TMEM65: variants seen among roughly 807,000 people sequenced by gnomAD.
TMEM65 encodes the protein transmembrane protein 65.
TMEM65 carries 22 observed loss-of-function variants against 25.4 expected under a neutral mutation model. The observed-to-expected ratio is 0.86, with a 90% confidence interval of 0.62 to 1.23. The LOEUF is 1.23. Ranked by LOEUF, TMEM65 falls within the 50% of genes most tolerant of loss-of-function variation. The probability of loss-of-function intolerance (pLI) is 0.00; values close to 1 mark genes in which losing one functional copy is unlikely to be tolerated. For missense variants in TMEM65, 262 were observed against 308.2 expected, an observed-to-expected ratio of 0.85 and a Z score of 1.12; for synonymous variants, 132 against 126.2, an observed-to-expected ratio of 1.05 and a Z score of -0.31.
chr8:124,311,951 GA>G lies in TMEM65; in HGVS notation c.*2008del, dbSNP rs1814167133. The G allele has an allele frequency of 6.6e-6, 1 of 152,490 alleles. No homozygotes were observed. Among genetic ancestry groups the G allele is most frequent in the South Asian group, 2.1e-4 (1 of 4,812 alleles). 9.4% of individuals were successfully genotyped at this position (152,490 alleles called of 1,614,324 possible). On this transcript the variant is annotated 3_prime_UTR_variant, in exon 7 of 7. Transcript: ENST00000297632. ...ACCAGATTACTTTCAAGAGCAAGAA[GA>G]AAAAACAATAATCAAAAGCCCTTTC...
chr8:124,324,681 T>C (rs1814346191), intron 3 of TMEM65, among the ~76,000 whole-genome samples: 2 of 151,968 alleles, frequency 1.3e-5, no homozygotes, highest in Admixed American at 1.3e-4. Context: ...ATTTAAAAAA[T>C]AGTTAAGTGC....
chr8:124,367,517 T>C (rs998819961), intron 1 of TMEM65, among the ~76,000 whole-genome samples: 1 of 152,158 alleles, frequency 6.6e-6, no homozygotes, highest in African/African-American at 2.4e-5. Flanking sequence ...TTTTCTCACA[T>C]AATCCTGAGC....
At chr8:124,349,566 C>A (rs1814680594) in intron 1 of TMEM65, among the ~76,000 whole-genome samples, 1 of 152,120 alleles carries the variant, frequency 6.6e-6, no homozygotes, top group African/African-American at 2.4e-5. Context: ...CAGCACCGAA[C>A]TAAAAACCCA....
In TMEM65 at chr8:124,368,848, A is replaced by G. The variant is rs536398347; in HGVS notation, c.304+3006T>C. ...GCTATAGCATTCCTGAGCCTCAGAAATTATGAGTTAATACATGCTTGTTTT... is the reference window on the plus strand; with the variant it reads ...GCTATAGCATTCCTGAGCCTCAGAAGTTATGAGTTAATACATGCTTGTTTT... On this transcript the variant is annotated intron_variant, in intron 1 of 6. Transcript: ENST00000297632. 2.0e-5 allele frequency among the ~76,000 whole-genome samples: 3 copies of G among 152,370 alleles called. No individual in the cohort carries two copies. The East Asian group carries it at 5.8e-4, about 29-fold the overall frequency.
At chr8:124,331,565 C>T (rs993125638) in intron 1 of TMEM65, among the ~76,000 whole-genome samples, 9 of 151,450 alleles carry the variant, frequency 5.9e-5, no homozygotes, top group Non-Finnish European at 7.4e-5. Flanking sequence ...AGTATCTTTA[C>T]GTGTCAACAT....
At chr8:124,319,383 C>T (rs1814278173) in intron 6 of TMEM65, among the ~76,000 whole-genome samples, 2 of 152,110 alleles carry the variant, frequency 1.3e-5, no homozygotes, top group African/African-American at 4.8e-5. Flanking sequence ...AGGTAAGAGG[C>T]TCAAGCTCCT....
At chr8:124,357,035 T>TTCTTGAAACA (rs1236341187) in intron 1 of TMEM65, among the ~76,000 whole-genome samples, 1 of 149,762 alleles carries the variant, frequency 6.7e-6, no homozygotes, top group East Asian at 2.0e-4. Context: ...AAATGCCTCT[T>TTCTTGAAACA]CCACCCTTAG....
rs1394562151 is a variant in TMEM65 at position 124,313,810 on chromosome 8, G to A, written c.*150C>T. ...AAAAAAGATGTCCTAAGAAGATCAA[G>A]CCACAATAAGTTAGTGTTTTCCATA... On this transcript the variant is annotated 3_prime_UTR_variant, in exon 7 of 7. Coordinates refer to ENST00000297632, the MANE Select transcript of TMEM65 (RefSeq NM_194291.3). 1.5e-5 allele frequency: 9 copies of A among 600,240 alleles called. No individual in the cohort carries two copies. The highest frequency in any genetic ancestry group is 4.5e-4 in the Middle Eastern group (1 of 2,246). 37.2% of individuals were successfully genotyped at this position (600,240 alleles called of 1,614,324 possible). A position where few individuals can be genotyped will look rare whatever the true frequency, so the allele number is the denominator to read the frequency against.
intron 1 of TMEM65, among the ~76,000 whole-genome samples, chr8:124,358,391 G>A (rs1220029298): frequency 1.3e-5 from 2 of 152,068 alleles, no homozygotes; most frequent in Non-Finnish European, 2.9e-5. Flanking sequence ...AAGCCTGAAG[G>A]TTTCTCCATA....
rs1412984091 is a variant in TMEM65 at position 124,308,086 on chromosome 8, A to C, written c.*5874T>G. 6.6e-6 allele frequency: 1 copy of C among 152,104 alleles called. No homozygotes were observed. Among genetic ancestry groups the C allele is most frequent in the African/African-American group, 2.4e-5 (1 of 41,402 alleles). 9.4% of individuals were successfully genotyped at this position (152,104 alleles called of 1,614,324 possible). On this transcript the variant is annotated 3_prime_UTR_variant, in exon 7 of 7. Transcript: ENST00000297632. ...GCCAGTCTTCTGGCAGTATAACAAGAAGGCCTGGACGACAAGAACCCTTTT... is the reference window on the plus strand; with the variant it reads ...GCCAGTCTTCTGGCAGTATAACAAGCAGGCCTGGACGACAAGAACCCTTTT...
chr8:124,332,860 C>T (rs1056200506), intron 1 of TMEM65, among the ~76,000 whole-genome samples: 1 of 151,984 alleles, frequency 6.6e-6, no homozygotes, highest in Non-Finnish European at 1.5e-5. Flanking sequence ...GGCTGAAGTG[C>T]AGTGGCGCGA....
At position 124,372,226 on chromosome 8, in the gene TMEM65, A is replaced by T; in HGVS notation, c.-69T>A. 8.3e-7 allele frequency: 1 copy of T among 1,209,250 alleles called. No homozygotes were observed. The highest frequency in any genetic ancestry group is 1.0e-6 in the Non-Finnish European group (1 of 964,906). 74.9% of individuals were successfully genotyped at this position (1,209,250 alleles called of 1,614,324 possible). On this transcript the variant is annotated 5_prime_UTR_variant, in exon 1 of 7. Coordinates refer to ENST00000297632, the MANE Select transcript of TMEM65 (RefSeq NM_194291.3). ...GGTTTCTGGCGCGGCTGAGGCGAGAAGGAGCTGGGCTCAGCTCGACCCCGC... is the reference window on the plus strand; with the variant it reads ...GGTTTCTGGCGCGGCTGAGGCGAGATGGAGCTGGGCTCAGCTCGACCCCGC...
At chr8:124,364,571 C>T (rs1002163862) in intron 1 of TMEM65, among the ~76,000 whole-genome samples, 4 of 152,242 alleles carry the variant, frequency 2.6e-5, no homozygotes, top group African/African-American at 9.6e-5. Context: ...AAATTATGCT[C>T]ATTATATTTT....
At chr8:124,316,072 T>A (rs1181013856) in intron 6 of TMEM65, among the ~76,000 whole-genome samples, 1 of 152,186 alleles carries the variant, frequency 6.6e-6, no homozygotes, top group East Asian at 1.9e-4. Flanking sequence ...GGAATACCAG[T>A]CAGTGATTTC....
At chr8:124,336,029 AT>A (rs1814502711) in intron 1 of TMEM65, among the ~76,000 whole-genome samples, 1 of 152,052 alleles carries the variant, frequency 6.6e-6, no homozygotes, top group Admixed American at 6.6e-5. Context: ...ATGGCAAAAA[AT>A]ATGCTACACA....
At chr8:124,343,161 T>C (rs1170628802) in intron 1 of TMEM65, among the ~76,000 whole-genome samples, 2 of 152,038 alleles carry the variant, frequency 1.3e-5, no homozygotes, top group Admixed American at 1.3e-4. Context: ...ACAAACACAA[T>C]GGCATTAAAC....
intron 6 of TMEM65, among the ~76,000 whole-genome samples, chr8:124,319,706 T>A (rs1282923683): frequency 6.6e-6 from 1 of 152,102 alleles, no homozygotes; most frequent in East Asian, 1.9e-4. Flanking sequence ...ATCATGGTTA[T>A]ATCTTGTACA....
intron 1 of TMEM65, among the ~76,000 whole-genome samples, chr8:124,340,658 G>C (rs1055979388): frequency 3.3e-5 from 5 of 150,672 alleles, no homozygotes; most frequent in African/African-American, 1.2e-4. Flanking sequence ...GCTGTTTGAT[G>C]TCCCATCTTG....
Position 124,323,376 on chromosome 8 carries a change from C to A in TMEM65, c.418-1G>T. ...CAATAGACATTTCAATATGGGTTCC[C>A]TGAAATATGATAAAAAATTAATCTT... On this transcript the variant is annotated splice_acceptor_variant, in intron 3 of 6. Coordinates refer to ENST00000297632, the MANE Select transcript of TMEM65 (RefSeq NM_194291.3). LOFTEE classifies it high-confidence loss of function. 1 of 1,481,024 alleles carries A rather than the reference C, an allele frequency of 6.8e-7. No homozygotes were observed. Among genetic ancestry groups the A allele is most frequent in the Non-Finnish European group, 9.2e-7 (1 of 1,083,458 alleles). 91.7% of individuals were successfully genotyped at this position (1,481,024 alleles called of 1,614,324 possible). A position where few individuals can be genotyped will look rare whatever the true frequency, so the allele number is the denominator to read the frequency against.
Sources: allele counts gnomAD v4.1 joint callset (sites outside exome capture counted in the v4.1 genomes callset), GRCh38; gene constraint gnomAD v4.1.1; transcripts MANE v1.5; gene names NCBI Gene and HGNC (gene_info 2026-07-23, HGNC 2026-07-21).